The following RASSF3 variants were observed in gnomAD, a reference collection of about 807,000 sequenced individuals.
RASSF3 encodes the protein Ras association domain family member 3, also known as ras association domain-containing protein 3.
A neutral mutation model predicts 19.9 loss-of-function variants in RASSF3; 19 were observed. The ratio of observed to expected loss-of-function variants is 0.96; its 90% CI spans 0.67 to 1.40. The LOEUF (loss-of-function observed/expected upper bound fraction) is 1.40. Ranked by LOEUF, RASSF3 falls within the 40% of genes most tolerant of loss-of-function variation. RASSF3 has a pLI of 0.00. For missense variants in RASSF3, 306 were observed against 289.8 expected (o/e 1.06, Z -0.41); for synonymous variants, 110 against 104.2 (o/e 1.06, Z -0.34).
intron 1 of RASSF3, among the ~76,000 whole-genome samples, chr12:64,677,946 CACTT>C (rs1277524270): frequency 2.0e-5 from 3 of 152,192 alleles, no homozygotes; most frequent in Non-Finnish European, 2.9e-5. Flanking sequence ...TCATGGAAAT[CACTT>C]ACTTCATACC....
intron 2 of RASSF3, among the ~76,000 whole-genome samples, chr12:64,577,433 G>A (rs1164098644): frequency 6.6e-6 from 1 of 152,236 alleles, no homozygotes; most frequent in Non-Finnish European, 1.5e-5. Context: ...CTGTGAAGAA[G>A]ATAAACAGTA....
chr12:64,586,491 GAAAAA>G (rs10708538), intron 2 of RASSF3, among the ~76,000 whole-genome samples: 5 of 70,136 alleles, frequency 7.1e-5, no homozygotes, highest in African/African-American at 1.8e-4. Context: ...CTCCTTCTCA[GAAAAA>G]AAAAAAAAAA....
downstream of RASSF3, among the ~76,000 whole-genome samples, chr12:64,544,185 G>A (rs61933871): frequency 0.33 from 50,188 of 151,818 alleles, 10,307 homozygotes; most frequent in East Asian, 0.66. Flanking sequence ...ACCGTGAAAC[G>A]CTCATCGCGA....
intron 2 of RASSF3, among the ~76,000 whole-genome samples, chr12:64,586,288 C>T (rs1869798114): frequency 6.7e-6 from 1 of 150,068 alleles, no homozygotes; most frequent in Non-Finnish European, 1.5e-5. Context: ...TGCACCTCTG[C>T]ACTCCAGCCT....
At chr12:64,508,517 C>CA (rs59530945) in intron 1 of RASSF3, among the ~76,000 whole-genome samples, 38,207 of 144,252 alleles carry the variant, frequency 0.26, 5,126 homozygotes, top group East Asian at 0.38. Flanking sequence ...AACTTCGTCT[C>CA]AAAAAAAAAA....
At chr12:64,660,854 A>G (rs1307200497) in intron 1 of RASSF3, among the ~76,000 whole-genome samples, 1 of 152,052 alleles carries the variant, frequency 6.6e-6, no homozygotes, top group Non-Finnish European at 1.5e-5. Flanking sequence ...GATCCCTTGA[A>G]TTTGGAGGAT....
chr12:64,641,414 A>ACACACACACACACACGCGCGCG, intron 1 of RASSF3, among the ~76,000 whole-genome samples: 111 of 142,184 alleles, frequency 7.8e-4, no homozygotes, highest in African/African-American at 3.0e-3. Context: ...ACACACACAC[A>ACACACACACACACACGCGCGCG]CGCGCGCGCG....
intron 1 of RASSF3, among the ~76,000 whole-genome samples, chr12:64,681,425 G>C (rs1873122505): frequency 6.6e-6 from 1 of 152,184 alleles, no homozygotes. Context: ...GCTCAGAAAG[G>C]TTAAGCCCAA....
chr12:64,667,196 T>C (rs1270437), intron 1 of RASSF3, among the ~76,000 whole-genome samples: 3 of 152,004 alleles, frequency 2.0e-5, no homozygotes, highest in Admixed American at 2.0e-4. Flanking sequence ...ATCTGTACTT[T>C]CAAAAATATG....
intron 1 of RASSF3, among the ~76,000 whole-genome samples, chr12:64,653,728 T>G (rs888609648): frequency 1.3e-5 from 2 of 152,142 alleles, no homozygotes; most frequent in African/African-American, 4.8e-5. Flanking sequence ...TAAAATTTTC[T>G]GTAGAGATGG....
chr12:64,638,120 G>A (rs991047063), intron 1 of RASSF3, among the ~76,000 whole-genome samples: 2 of 152,034 alleles, frequency 1.3e-5, no homozygotes, highest in Admixed American at 1.3e-4. Context: ...ATGAGCCTAC[G>A]CCCCCGGCCT....
upstream of RASSF3, among the ~76,000 whole-genome samples, chr12:64,529,070 T>C (rs1388755868): frequency 1.3e-5 from 2 of 152,006 alleles, no homozygotes; most frequent in Non-Finnish European, 2.9e-5. Flanking sequence ...CATGGTGCAC[T>C]TCCCTAGATT....
chr12:64,636,074 A>G (rs146753351), intron 1 of RASSF3, among the ~76,000 whole-genome samples: 57 of 152,168 alleles, frequency 3.7e-4, no homozygotes, highest in Non-Finnish European at 7.4e-4. Context: ...AGTGGCTCAC[A>G]ATTCCAAAGA....
chr12:64,579,802 T>C (rs979491089), intron 2 of RASSF3, among the ~76,000 whole-genome samples: 5 of 134,684 alleles, frequency 3.7e-5, no homozygotes, highest in Non-Finnish European at 8.0e-5. Context: ...ACTAGGTGTT[T>C]TTTTGGGTTT....
intron 1 of RASSF3, among the ~76,000 whole-genome samples, chr12:64,651,240 T>C (rs1871942826): frequency 6.6e-6 from 1 of 152,196 alleles, no homozygotes; most frequent in Non-Finnish European, 1.5e-5. Context: ...ATTTTGTAGC[T>C]TACCTAGTTT....
At chr12:64,637,555 G>A (rs1474545256) in intron 1 of RASSF3, among the ~76,000 whole-genome samples, 5 of 150,730 alleles carry the variant, frequency 3.3e-5, no homozygotes, top group African/African-American at 4.9e-5. Context: ...TCAGCCTCCC[G>A]AGTAGCTGGG....
At chr12:64,567,613 A>T (rs1169794305) in intron 2 of RASSF3, among the ~76,000 whole-genome samples, 1 of 152,254 alleles carries the variant, frequency 6.6e-6, no homozygotes, top group Non-Finnish European at 1.5e-5. Flanking sequence ...GTGACGGCTC[A>T]GCCACAGTGG....
At chr12:64,684,198 A>ACCTGAGCCT (rs1206533421) in intron 1 of RASSF3, among the ~76,000 whole-genome samples, 1 of 147,676 alleles carries the variant, frequency 6.8e-6, no homozygotes, top group African/African-American at 2.5e-5. Context: ...TGATGCTCCC[A>ACCTGAGCCT]CCTCAGCCTC....
intron 1 of RASSF3, among the ~76,000 whole-genome samples, chr12:64,624,825 ATT>A (rs780645923): frequency 1.4e-5 from 2 of 139,310 alleles, no homozygotes; most frequent in Non-Finnish European, 1.6e-5. Context: ...CCCCCGGGTA[ATT>A]TTTTTTTTTT....
Sources: allele counts gnomAD v4.1 joint callset (sites outside exome capture counted in the v4.1 genomes callset), GRCh38; gene constraint gnomAD v4.1.1; transcripts MANE v1.5; gene names NCBI Gene and HGNC (gene_info 2026-07-23, HGNC 2026-07-21).